Variants in RNF4 observed in about 807,000 individuals in gnomAD.
The protein encoded by RNF4 is ring finger protein 4.
Under a neutral mutation model 24.3 loss-of-function variants are expected in RNF4, and 7 were observed. The ratio of observed to expected loss-of-function variants is 0.29; its 90% confidence interval spans 0.16 to 0.54. RNF4 has a LOEUF of 0.54. Ranked by LOEUF, RNF4 falls within the 20% of genes least tolerant of loss-of-function variation. RNF4 has a pLI of 0.95. For synonymous variants in RNF4, 83 were observed against 84.3 expected (o/e 0.98, Z 0.09); for missense variants, 209 against 248.5 (o/e 0.84, Z 1.07).
intron 4 of RNF4, among the ~76,000 whole-genome samples, chr4:2,504,699 C>T (rs1030039990): frequency 5.4e-5 from 8 of 148,122 alleles, no homozygotes; most frequent in South Asian, 2.1e-4. Context: ...TACAGGCAGC[C>T]GCCACCATGC....
At chr4:2,481,400 C>T (rs1462369214) in intron 1 of RNF4, among the ~76,000 whole-genome samples, 2 of 151,918 alleles carry the variant, frequency 1.3e-5, no homozygotes, top group African/African-American at 4.8e-5. Context: ...TTTTAAGGAA[C>T]ACATATGTCC....
chr4:2,511,197 G>A (rs571200572), intron 4 of RNF4, among the ~76,000 whole-genome samples: 1 of 152,350 alleles, frequency 6.6e-6, no homozygotes, highest in East Asian at 1.9e-4. Context: ...AGAGAAAGCT[G>A]CAGCCCCCAG....
At chr4:2,507,846 T>A (rs191554177) in intron 4 of RNF4, among the ~76,000 whole-genome samples, 3 of 152,256 alleles carry the variant, frequency 2.0e-5, no homozygotes, top group Admixed American at 2.0e-4. Context: ...GTGAATCTTT[T>A]TCTTTTTTTT....
At chr4:2,503,115 G>A (rs1180416960) in intron 4 of RNF4, among the ~76,000 whole-genome samples, 2 of 152,058 alleles carry the variant, frequency 1.3e-5, no homozygotes, top group Non-Finnish European at 2.9e-5. Flanking sequence ...GGCTCAAGCA[G>A]TCACCCACCT....
chr4:2,496,768 A>G (rs1345654162), intron 2 of RNF4, among the ~76,000 whole-genome samples: 1 of 152,136 alleles, frequency 6.6e-6, no homozygotes, highest in Non-Finnish European at 1.5e-5. Flanking sequence ...CGACCTGCTG[A>G]TAGTTTGATA....
intron 4 of RNF4, among the ~76,000 whole-genome samples, chr4:2,503,613 G>A (rs1735981810): frequency 6.6e-6 from 1 of 152,200 alleles, no homozygotes; most frequent in South Asian, 2.1e-4. Flanking sequence ...CCAAGTGCCA[G>A]TTTATGAATT....
chr4:2,504,890 G>A (rs547814418), intron 4 of RNF4, among the ~76,000 whole-genome samples: 3 of 151,922 alleles, frequency 2.0e-5, no homozygotes, highest in East Asian at 1.9e-4. Flanking sequence ...GCACCACCAT[G>A]CCAGGCTAAT....
At chr4:2,500,377 G>T (rs1260241285) in intron 3 of RNF4, among the ~76,000 whole-genome samples, 1 of 152,034 alleles carries the variant, frequency 6.6e-6, no homozygotes, top group Non-Finnish European at 1.5e-5. Context: ...TGTGGAAGTG[G>T]GATGCCGTGG....
chr4:2,479,272 G>A (rs1484207115), intron 1 of RNF4, among the ~76,000 whole-genome samples: 1 of 152,198 alleles, frequency 6.6e-6, no homozygotes. Context: ...CCTTGTCTCG[G>A]ATGAGACTTT....
chr4:2,513,947 C>G lies in RNF4; in HGVS notation c.*128C>G, dbSNP rs915712294. 4.0e-6 allele frequency: 5 copies of G among 1,246,080 alleles called. No individual in the cohort carries two copies. The highest frequency in any genetic ancestry group is 1.5e-5 in the African/African-American group (1 of 67,118). 77.2% of individuals were successfully genotyped at this position (1,246,080 alleles called of 1,614,324 possible). ...ACCAACATCTGATATGTAAACTGCT[C>G]TTTTGTTTCCAACCCCTTCCTTTTG... is the stretch of plus-strand genomic sequence containing the variant. On this transcript the variant is annotated 3_prime_UTR_variant, in exon 8 of 8. Transcript: ENST00000314289.
chr4:2,471,649 A>G (rs1734913681), intron 1 of RNF4, among the ~76,000 whole-genome samples: 1 of 152,260 alleles, frequency 6.6e-6, no homozygotes, highest in Non-Finnish European at 1.5e-5. Flanking sequence ...AGTTCTTGAA[A>G]TTAAAATGCT....
intron 4 of RNF4, among the ~76,000 whole-genome samples, chr4:2,511,711 A>C (rs1260292816): frequency 1.3e-5 from 2 of 152,188 alleles, no homozygotes; most frequent in African/African-American, 4.8e-5. Context: ...AGGAGACTCC[A>C]CTAAACACCC....
chr4:2,481,125 C>G (rs570560306), intron 1 of RNF4: 1 of 152,392 alleles, frequency 6.6e-6, no homozygotes, highest in South Asian at 2.1e-4. Flanking sequence ...AGCATTCACT[C>G]TCTTTGCCTC....
chr4:2,490,076 C>T (rs1001984773), intron 1 of RNF4, among the ~76,000 whole-genome samples: 1 of 152,038 alleles, frequency 6.6e-6, no homozygotes, highest in Non-Finnish European at 1.5e-5. Flanking sequence ...GCAGTTAGCA[C>T]GGTACCTTGC....
chr4:2,471,311 A>G (rs1189077137), intron 1 of RNF4, among the ~76,000 whole-genome samples: 5 of 152,156 alleles, frequency 3.3e-5, no homozygotes, highest in Non-Finnish European at 7.4e-5. Flanking sequence ...CCTGTGATCA[A>G]TGTTTTGGGT....
chr4:2,487,372 G>T (rs577797340), intron 1 of RNF4, among the ~76,000 whole-genome samples: 4 of 152,040 alleles, frequency 2.6e-5, no homozygotes, highest in Non-Finnish European at 4.4e-5. Flanking sequence ...TGCAACCTCC[G>T]CCTCCCGGGT....
chr4:2,507,592 G>T (rs1221450060), intron 4 of RNF4, among the ~76,000 whole-genome samples: 1 of 152,180 alleles, frequency 6.6e-6, no homozygotes, highest in Non-Finnish European at 1.5e-5. Context: ...GGTGCCCTTG[G>T]CTGGGTGAAC....
intron 1 of RNF4, among the ~76,000 whole-genome samples, chr4:2,475,728 T>C (rs543796767): frequency 6.6e-6 from 1 of 152,274 alleles, no homozygotes; most frequent in African/African-American, 2.4e-5. Context: ...TGATTTAATA[T>C]CTATGGTTGA....
At chr4:2,486,562 A>G (rs769494110) in intron 1 of RNF4, among the ~76,000 whole-genome samples, 11 of 152,194 alleles carry the variant, frequency 7.2e-5, no homozygotes, top group South Asian at 2.1e-4. Flanking sequence ...TGTATGGGCC[A>G]GGGCATGGAG....
Sources: allele counts gnomAD v4.1 joint callset (sites outside exome capture counted in the v4.1 genomes callset), GRCh38; gene constraint gnomAD v4.1.1; transcripts MANE v1.5; gene names NCBI Gene and HGNC (gene_info 2026-07-23, HGNC 2026-07-21).